Variants in PELI2 observed in about 807,000 individuals in gnomAD.
PELI2 encodes pellino E3 ubiquitin protein ligase family member 2.
PELI2 carries 23 observed loss-of-function variants against 42.3 expected under a neutral mutation model. The observed-to-expected ratio is 0.54, with a 90% CI of 0.39 to 0.77. The LOEUF is 0.77. Ranked by LOEUF, PELI2 falls within the 30% of genes least tolerant of loss-of-function variation. The pLI is 0.00. For synonymous variants in PELI2, 245 were observed against 212.2 expected (o/e 1.15, Z -1.34); for missense variants, 463 against 553.2 (o/e 0.84, Z 1.64).
At chr14:56,165,513 A>G (rs538086433) in intron 1 of PELI2, among the ~76,000 whole-genome samples, 7 of 152,292 alleles carry the variant, frequency 4.6e-5, no homozygotes, top group Non-Finnish European at 7.4e-5. Flanking sequence ...AATGTGGTCT[A>G]TCCTTGAGAA....
chr14:56,214,252 C>G (rs1720066146), intron 2 of PELI2, among the ~76,000 whole-genome samples: 1 of 152,012 alleles, frequency 6.6e-6, no homozygotes, highest in African/African-American at 2.4e-5. Context: ...CTGTGAGGCA[C>G]AGAGGGAAGG....
Position 56,259,934 on chromosome 14 carries a change from A to G in PELI2, c.208-19742A>G, listed in dbSNP as rs190457995. 1.0e-3 allele frequency among the ~76,000 whole-genome samples: 157 copies of G among 152,282 alleles called. 1 individual carries two copies. The highest frequency in any genetic ancestry group is 5.2e-3 in the Admixed American group (80 of 15,284). Reference sequence around the variant, plus strand: ...CAAAATGCATGTAATATTGCATACTATAAACTGCAAAACATTGTTGAGATA... The same window carrying G: ...CAAAATGCATGTAATATTGCATACTGTAAACTGCAAAACATTGTTGAGATA... On this transcript the variant is annotated intron_variant, in intron 2 of 5. Transcript: ENST00000267460.
intron 2 of PELI2, among the ~76,000 whole-genome samples, chr14:56,237,133 C>T (rs998262779): frequency 6.6e-6 from 1 of 152,154 alleles, no homozygotes; most frequent in African/African-American, 2.4e-5. Context: ...TTCTAATATT[C>T]CTTACTCACC....
intron 1 of PELI2, among the ~76,000 whole-genome samples, chr14:56,160,129 G>T (rs1294932298): frequency 3.3e-5 from 5 of 151,894 alleles, no homozygotes; most frequent in Non-Finnish European, 7.4e-5. Flanking sequence ...TGGAATAAAT[G>T]CAGGAAGTAA....
At chr14:56,291,311 C>G (rs777037350) in intron 5 of PELI2, among the ~76,000 whole-genome samples, 70 of 152,264 alleles carry the variant, frequency 4.6e-4, no homozygotes, top group Non-Finnish European at 5.1e-4. Context: ...TAGCACTTGT[C>G]AGAGAGAAAG....
chr14:56,145,835 A>T (rs1467466733), intron 1 of PELI2, among the ~76,000 whole-genome samples: 3 of 152,202 alleles, frequency 2.0e-5, no homozygotes, highest in Non-Finnish European at 2.9e-5. Context: ...TTTCAAAGGG[A>T]AAACAATTAT....
intron 2 of PELI2, among the ~76,000 whole-genome samples, chr14:56,227,447 C>T (rs1226479704): frequency 6.6e-6 from 1 of 152,170 alleles, no homozygotes; most frequent in African/African-American, 2.4e-5. Context: ...AGATTTCTCA[C>T]TTCAGAGAAA....
chr14:56,267,782 G>A (rs571422321), intron 2 of PELI2, among the ~76,000 whole-genome samples: 43 of 152,138 alleles, frequency 2.8e-4, no homozygotes, highest in Non-Finnish European at 5.7e-4. Flanking sequence ...GAATCTTCCC[G>A]TTTTTGTTTA....
In PELI2 at chr14:56,178,392, C is replaced by G. The variant is rs745953290; in HGVS notation, c.135C>G (p.Leu45=). 2.5e-6 allele frequency: 4 copies of G among 1,614,088 alleles called. No homozygotes were observed. Among genetic ancestry groups the G allele is most frequent in the Non-Finnish European group, 3.4e-6 (4 of 1,179,950 alleles). Residue 45 remains leucine, a synonymous_variant, in exon 2 of 6, where the codon CTC becomes CTG. Coordinates refer to ENST00000267460, the MANE Select transcript of PELI2 (RefSeq NM_021255.3). Reference sequence around the variant, plus strand: ...GACGGAGGAAAAGTAGATTTGCCCTCTACAAGCGGCCCAAGGCAAATGGTG... The same window carrying G: ...GACGGAGGAAAAGTAGATTTGCCCTGTACAAGCGGCCCAAGGCAAATGGTG... The part of the protein sequence containing the change: ...DRGRRKSRFA[L]YKRPKANGVK...
At chr14:56,204,384 T>G (rs1424742491) in intron 2 of PELI2, among the ~76,000 whole-genome samples, 3 of 152,148 alleles carry the variant, frequency 2.0e-5, no homozygotes, top group Admixed American at 2.0e-4. Flanking sequence ...TGTCTTGATG[T>G]GGCAGCTAAG....
At chr14:56,164,213 T>C (rs1009167415) in intron 1 of PELI2, among the ~76,000 whole-genome samples, 2 of 152,162 alleles carry the variant, frequency 1.3e-5, no homozygotes, top group African/African-American at 4.8e-5. Context: ...TGAGGTATGT[T>C]CATTCTATGC....
At chr14:56,119,863 G>C (rs1047030652) in intron 1 of PELI2, 4 of 984,970 alleles carry the variant, frequency 4.1e-6, no homozygotes, top group African/African-American at 1.7e-5. Flanking sequence ...GCGCTGATAG[G>C]TAGGCTTAGC....
chr14:56,177,340 A>G (rs1478100550), intron 1 of PELI2, among the ~76,000 whole-genome samples: 1 of 152,232 alleles, frequency 6.6e-6, no homozygotes, highest in Non-Finnish European at 1.5e-5. Context: ...TCTGTGGGAC[A>G]GGAACAAGCC....
intron 1 of PELI2, among the ~76,000 whole-genome samples, chr14:56,168,755 A>G (rs1205826581): frequency 6.6e-6 from 1 of 151,972 alleles, no homozygotes; most frequent in Non-Finnish European, 1.5e-5. Context: ...TTTGCCCCAT[A>G]GCTACCACAG....
At position 56,273,291 on chromosome 14, in the gene PELI2, C is replaced by T. The variant is rs1370380233; in HGVS notation, c.208-6385C>T. ...CATGTACGTAGTCAGGCTTCTTGCC[C>T]ACAGCTGGGAACCCCCAGAGCGGCA... On this transcript the variant is annotated intron_variant, in intron 2 of 5. Coordinates refer to ENST00000267460, the MANE Select transcript of PELI2 (RefSeq NM_021255.3). This position sits in a 1 kb window ranked among gnomAD's most constrained non-coding sequence, Gnocchi z 4.3. 6.6e-6 allele frequency among the ~76,000 whole-genome samples: 1 copy of T among 152,210 alleles called. No individual in the cohort carries two copies. The highest frequency in any genetic ancestry group is 2.4e-5 in the African/African-American group (1 of 41,450).
At chr14:56,280,546 G>A (rs949335026) in intron 3 of PELI2, among the ~76,000 whole-genome samples, 1 of 151,980 alleles carries the variant, frequency 6.6e-6, no homozygotes, top group African/African-American at 2.4e-5. Context: ...ATTTCCATAT[G>A]GAGAGTTAAA....
At chr14:56,120,140 T>G (rs1883008392) in intron 1 of PELI2, among the ~76,000 whole-genome samples, 1 of 152,194 alleles carries the variant, frequency 6.6e-6, no homozygotes, top group Non-Finnish European at 1.5e-5. Context: ...ACATCTTAAT[T>G]GCACTTCAAA....
chr14:56,131,663 A>G (rs905323295), intron 1 of PELI2, among the ~76,000 whole-genome samples: 11 of 152,222 alleles, frequency 7.2e-5, no homozygotes, highest in Non-Finnish European at 1.0e-4. Flanking sequence ...TGTTATGAAT[A>G]TTAAAAGACA....
intron 2 of PELI2, among the ~76,000 whole-genome samples, chr14:56,225,552 T>C (rs1052857473): frequency 6.6e-6 from 1 of 152,154 alleles, no homozygotes; most frequent in Non-Finnish European, 1.5e-5. Context: ...GGTCCTGTGC[T>C]AGCTGTGGGG....
Sources: gnomAD v4.1 joint callset for allele counts (sites outside exome capture counted in the v4.1 genomes callset) on GRCh38, gnomAD v4.1.1 for gene constraint, Gnocchi (gnomAD v3.1) non-coding constraint, MANE v1.5 for transcripts, NCBI Gene and HGNC (gene_info 2026-07-23, HGNC 2026-07-21) for gene names.